TM9SF4: variants seen among roughly 807,000 people sequenced by gnomAD.
TM9SF4 encodes the protein transmembrane 9 superfamily member 4.
TM9SF4 carries 26 observed loss-of-function variants against 90.4 expected under a neutral mutation model. The observed-to-expected ratio is 0.29, with a 90% CI of 0.21 to 0.40. The LOEUF (loss-of-function observed/expected upper bound fraction) is 0.40. TM9SF4 is among the 10% of genes least tolerant of loss of function. The pLI, the probability that TM9SF4 is intolerant of heterozygous loss-of-function variation, is 1.00. For synonymous variants in TM9SF4, 293 were observed against 315.4 expected, an observed-to-expected ratio of 0.93 and a Z score of 0.75; for missense variants, 549 against 834.8, an observed-to-expected ratio of 0.66 and a Z score of 4.22.
At chr20:32,150,941 A>C (rs2046833252) in intron 12 of TM9SF4, 66 bp downstream of exon 12, 1 of 1,583,366 alleles carries the variant, frequency 6.3e-7, no homozygotes, top group African/African-American at 1.3e-5. Flanking sequence ...GCTCCTCAGG[A>C]GAAGGTAGGC....
chr20:32,159,631 G>A, intron 15 of TM9SF4: 1 of 202,118 alleles, frequency 4.9e-6, no homozygotes. Context: ...AGCTTTCATA[G>A]ACACACACAT....
chr20:32,125,681 C>CTTTTTTT (rs11470673), intron 1 of TM9SF4, among the ~76,000 whole-genome samples: 171 of 108,854 alleles, frequency 1.6e-3, no homozygotes, highest in Middle Eastern at 4.8e-3. Context: ...TCTCTTTTTT[C>CTTTTTTT]TTTTTTTTTT....
At chr20:32,122,321 C>T (rs2046331781) in intron 1 of TM9SF4, among the ~76,000 whole-genome samples, 1 of 150,830 alleles carries the variant, frequency 6.6e-6, no homozygotes, top group Non-Finnish European at 1.5e-5. Context: ...CCCCACCTCC[C>T]TCCCGGACGG....
chr20:32,151,508 C>G (rs2046840616), intron 12 of TM9SF4, among the ~76,000 whole-genome samples: 1 of 152,144 alleles, frequency 6.6e-6, no homozygotes. Context: ...TCTCTGGGCC[C>G]AGGATTCTGA....
At chr20:32,149,846 C>T in intron 10 of TM9SF4, 80 bp downstream of exon 10, 1 of 1,571,464 alleles carries the variant, frequency 6.4e-7, no homozygotes. Flanking sequence ...GTGGGCTTCC[C>T]TCCCTGGAGA....
intron 8 of TM9SF4, among the ~76,000 whole-genome samples, chr20:32,146,399 C>T (rs1476288853): frequency 3.3e-5 from 5 of 152,144 alleles, no homozygotes; most frequent in African/African-American, 4.8e-5. Flanking sequence ...TGAAGAAAGG[C>T]GTGCTGATGA....
chr20:32,123,866 A>ATATATATATATTTTTTTTTTTTTTTTTTT, intron 1 of TM9SF4, among the ~76,000 whole-genome samples: 1 of 93,978 alleles, frequency 1.1e-5, no homozygotes, highest in African/African-American at 4.6e-5. Context: ...ATATATATAT[A>ATATATATATATTTTTTTTTTTTTTTTTTT]TTTTTTTTTT....
At chr20:32,161,585 G>A (rs1234851058) in intron 17 of TM9SF4, among the ~76,000 whole-genome samples, 2 of 152,176 alleles carry the variant, frequency 1.3e-5, no homozygotes, top group Non-Finnish European at 2.9e-5. Flanking sequence ...ATCAGGATAC[G>A]TGACAATGTG....
At chr20:32,136,364 T>G (rs2046594494) in intron 3 of TM9SF4, among the ~76,000 whole-genome samples, 191 bp downstream of exon 3, 1 of 152,214 alleles carries the variant, frequency 6.6e-6, no homozygotes, top group Non-Finnish European at 1.5e-5. Context: ...ATTTTGCAGG[T>G]TAAGTGACTT....
At position 32,155,305 on chromosome 20, in the gene TM9SF4, AC is replaced by A. The variant is rs2046903399; in HGVS notation, c.1329+120del. On this transcript the variant is annotated intron_variant, in intron 13 of 17. Transcript: ENST00000398022. ...TTCCCTTTTCTGAGTCCCCAGAGTT[AC>A]GTTCCCAGCCATGAGGGCAGAGGGC... 5.6e-6 allele frequency: 5 copies of A among 894,318 alleles called. No individual in the cohort carries two copies. The South Asian group carries it at 7.1e-5, about 13-fold the overall frequency. The allele number at this position is 894,318 out of a possible 1,614,324, so 55.4% of individuals were successfully genotyped here.
intron 1 of TM9SF4, 56 bp downstream of exon 1, chr20:32,109,811 C>T (rs2046113256): frequency 6.4e-7 from 1 of 1,550,802 alleles, no homozygotes; most frequent in Non-Finnish European, 8.7e-7. Flanking sequence ...CGGGGTATCC[C>T]AGGATCTTCC....
In TM9SF4 at chr20:32,156,476, G is replaced by T. The variant is rs1448766982; in HGVS notation, c.1329+1290G>T. Among the ~76,000 whole-genome samples, 5 of 152,262 alleles carry T rather than the reference G, an allele frequency of 3.3e-5. No homozygotes were observed. The East Asian group carries it at 9.6e-4, about 29-fold the overall frequency. On this transcript the variant is annotated intron_variant, in intron 13 of 17. Coordinates refer to ENST00000398022, the MANE Select transcript of TM9SF4 (RefSeq NM_014742.4). ...GATGCTCGAGTCCCATATATAAAGT[G>T]GCATAGTGTTTACGTACACACATCC...
chr20:32,139,097 T>C (rs950372596), intron 3 of TM9SF4, among the ~76,000 whole-genome samples: 7 of 152,248 alleles, frequency 4.6e-5, no homozygotes, highest in Admixed American at 3.9e-4. Context: ...TTCCTCAATC[T>C]CTCCCTCTCC....
Position 32,141,863 on chromosome 20 carries a change from G to A in TM9SF4, c.496G>A (p.Gly166Ser). Residue 166 changes from glycine to serine, a missense_variant, in exon 5 of 18, where the codon GGC becomes AGC. Around this residue, in one of 2 missense-constraint regions of TM9SF4, gnomAD observed 495 missense variants for 711.7 expected, o/e 0.70. Transcript: ENST00000398022. ...KKEKDVQFEH[G>S]YRLGFTDVNK... ...GGAAAAAGATGTGCAGTTTGAACAC[G>A]GCTACCGGCTCGGCTTCACAGATGT... is the stretch of plus-strand genomic sequence containing the variant. The A allele has an allele frequency of 6.2e-7, 1 of 1,614,094 alleles. No individual in the cohort carries two copies. Among genetic ancestry groups the A allele is most frequent in the Non-Finnish European group, 8.5e-7 (1 of 1,180,022 alleles).
chr20:32,124,680 A>G (rs2122346255), intron 1 of TM9SF4, among the ~76,000 whole-genome samples: 2 of 151,840 alleles, frequency 1.3e-5, no homozygotes, highest in East Asian at 3.9e-4. Flanking sequence ...TCTGCCTCCC[A>G]GGTTCAAGCA....
At chr20:32,142,951 C>T (rs762416092) in intron 5 of TM9SF4, 31 bp from the exon 6 acceptor site, 1 of 1,610,284 alleles carries the variant, frequency 6.2e-7, no homozygotes, top group Non-Finnish European at 8.5e-7. Flanking sequence ...AAGTGATGTT[C>T]TGTTGTGCTT....
At chr20:32,114,038 CTTGT>C (rs1316694052) in intron 1 of TM9SF4, among the ~76,000 whole-genome samples, 1 of 152,220 alleles carries the variant, frequency 6.6e-6, no homozygotes, top group Non-Finnish European at 1.5e-5. Flanking sequence ...TGTACCACAG[CTTGT>C]TTATCACTCA....
At chr20:32,159,872 C>T (rs2046988672) in intron 15 of TM9SF4, 120 bp from the exon 16 acceptor site, 1 of 1,407,766 alleles carries the variant, frequency 7.1e-7, no homozygotes, top group Non-Finnish European at 9.9e-7. Context: ...ACATGCCAGG[C>T]CCACGGGCCC....
intron 1 of TM9SF4, among the ~76,000 whole-genome samples, chr20:32,120,097 G>A (rs781106790): frequency 2.5e-4 from 38 of 152,146 alleles, no homozygotes; most frequent in Non-Finnish European, 3.7e-4. Context: ...CTCCAATTAC[G>A]TTTTTAAGGT....
Sources: allele counts gnomAD v4.1 joint callset (sites outside exome capture counted in the v4.1 genomes callset), GRCh38; gene constraint gnomAD v4.1.1; regional missense constraint gnomAD v4.1.1; transcripts MANE v1.5; gene names NCBI Gene and HGNC (gene_info 2026-07-23, HGNC 2026-07-21).